Variants in AFF2 observed in about 807,000 individuals in gnomAD.
The protein encoded by AFF2 is AF4/FMR2 family member 2.
AFF2 carries 14 observed loss-of-function variants against 76.9 expected under a neutral mutation model. That is an observed-to-expected ratio of 0.18 (90% CI 0.12 to 0.28). The LOEUF (loss-of-function observed/expected upper bound fraction) is 0.28, where lower values mean the gene tolerates loss of function less well. AFF2 is among the 10% of genes least tolerant of loss of function. AFF2 has a pLI of 1.00. For synonymous variants in AFF2, 398 were observed against 366.7 expected (o/e 1.09, Z -0.98); for missense variants, 868 against 1,001.1 (o/e 0.87, Z 1.79).
chrX:148,732,427 G>C (rs1475237967), intron 3 of AFF2, among the ~76,000 whole-genome samples: 1 of 69,664 alleles, frequency 1.4e-5, no homozygotes, highest in Non-Finnish European at 2.7e-5. Flanking sequence ...GACTGTGGTG[G>C]GGTGGGGGGA....
At chrX:148,733,547 CA>C (rs1450351961) in intron 3 of AFF2, among the ~76,000 whole-genome samples, 1 of 111,092 alleles carries the variant, frequency 9.0e-6, no homozygotes, top group African/African-American at 3.3e-5. Context: ...ACAAAGGAGA[CA>C]ATAAAGTAAT....
intron 9 of AFF2, among the ~76,000 whole-genome samples, chrX:148,905,914 G>A (rs73612082): frequency 0.013 from 1,420 of 112,449 alleles, 20 homozygotes; most frequent in African/African-American, 0.044. Context: ...CTAATGTCTA[G>A]CGTTTTGAGG....
intron 1 of AFF2, among the ~76,000 whole-genome samples, chrX:148,594,462 C>T (rs2053552219): frequency 9.0e-6 from 1 of 111,527 alleles, no homozygotes; most frequent in Admixed American, 9.5e-5. Context: ...GGATTGATCA[C>T]ATGCCTCTAA....
rs181773571 is a variant in AFF2, at chrX:148,672,380, T to G, written c.1041+9612T>G. Among the ~76,000 whole-genome samples, 626 of 112,331 alleles carry G rather than the reference T, an allele frequency of 5.6e-3. 4 individuals are homozygous for G. Among genetic ancestry groups the G allele is most frequent in the Non-Finnish European group, 8.5e-3 (455 of 53,279 alleles). On this transcript the variant is annotated intron_variant, in intron 3 of 20. Coordinates refer to ENST00000370460, the MANE Select transcript of AFF2 (RefSeq NM_002025.4). Reference sequence around the variant, plus strand: ...CTGGAATTATCATAATTTTCTTTTCTGCAGAAACTTAGTCTCGGAGAGGCT... The same window carrying G: ...CTGGAATTATCATAATTTTCTTTTCGGCAGAAACTTAGTCTCGGAGAGGCT...
chrX:148,840,614 A>G (rs2070587670), intron 5 of AFF2, among the ~76,000 whole-genome samples: 1 of 112,937 alleles, frequency 8.9e-6, no homozygotes. Context: ...TTCTACTGCA[A>G]AAATTACATA....
chrX:148,759,899 A>G (rs781874006), intron 3 of AFF2, among the ~76,000 whole-genome samples: 26 of 111,924 alleles, frequency 2.3e-4, no homozygotes, highest in Non-Finnish European at 3.0e-4. Context: ...ATAAGAAATT[A>G]TTGTCCCACC....
At chrX:148,509,353 C>G in intron 1 of AFF2, among the ~76,000 whole-genome samples, 1 of 111,311 alleles carries the variant, frequency 9.0e-6, no homozygotes, top group East Asian at 2.8e-4. Flanking sequence ...ATTGAATACT[C>G]AACATAAGAC....
intron 3 of AFF2, among the ~76,000 whole-genome samples, chrX:148,686,573 C>G (rs1293823494): frequency 1.8e-5 from 2 of 111,704 alleles, no homozygotes; most frequent in African/African-American, 6.5e-5. Context: ...TGACAAGTGA[C>G]TTCGCCTCTT....
At chrX:148,707,968 C>G (rs782465186) in intron 3 of AFF2, among the ~76,000 whole-genome samples, 8 of 111,774 alleles carry the variant, frequency 7.2e-5, no homozygotes, top group Non-Finnish European at 1.3e-4. Flanking sequence ...TGATTCATCA[C>G]AAATATAAAA....
intron 9 of AFF2, among the ~76,000 whole-genome samples, chrX:148,910,355 A>G (rs1172988777): frequency 8.9e-6 from 1 of 112,451 alleles, no homozygotes; most frequent in Non-Finnish European, 1.9e-5. Flanking sequence ...ACATTCTGGG[A>G]ACTGTGATAG....
At chrX:148,656,946 T>C (rs1358694493) in intron 2 of AFF2, among the ~76,000 whole-genome samples, 1 of 112,298 alleles carries the variant, frequency 8.9e-6, no homozygotes, top group African/African-American at 3.2e-5. Context: ...TCAGAATACT[T>C]GATAAGCTTA....
chrX:148,818,134 AT>A (rs2070288412), intron 4 of AFF2, among the ~76,000 whole-genome samples: 1 of 111,750 alleles, frequency 8.9e-6, no homozygotes, highest in Non-Finnish European at 1.9e-5. Flanking sequence ...AATAAGAGGC[AT>A]TAAAGTGAGA....
At chrX:148,723,442 T>C (rs1013995138) in intron 3 of AFF2, among the ~76,000 whole-genome samples, 2 of 111,647 alleles carry the variant, frequency 1.8e-5, no homozygotes, top group East Asian at 5.6e-4. Flanking sequence ...TTCTCCATTT[T>C]AAGTCACCAT....
intron 3 of AFF2, among the ~76,000 whole-genome samples, chrX:148,701,265 C>G (rs1471799389): frequency 3.6e-5 from 4 of 111,620 alleles, no homozygotes; most frequent in Non-Finnish European, 7.5e-5. Flanking sequence ...TGAGCACAAG[C>G]TTATGTGTGG....
At chrX:148,518,022 CAA>C (rs543248775) in intron 1 of AFF2, among the ~76,000 whole-genome samples, 11 of 38,570 alleles carry the variant, frequency 2.9e-4, no homozygotes, top group African/African-American at 9.7e-5. Context: ...GACTCCGTCT[CAA>C]AAAAAAAAAA....
chrX:148,709,721 C>G (rs2054939465), intron 3 of AFF2, among the ~76,000 whole-genome samples: 1 of 111,841 alleles, frequency 8.9e-6, no homozygotes, highest in Non-Finnish European at 1.9e-5. Flanking sequence ...GAAAGGGTAG[C>G]ATACTAGTGG....
intron 7 of AFF2, among the ~76,000 whole-genome samples, chrX:148,884,651 T>C (rs2071136340): frequency 8.9e-6 from 1 of 112,275 alleles, no homozygotes; most frequent in Non-Finnish European, 1.9e-5. Context: ...GACTCTATCA[T>C]TTGTGGGAAG....
At chrX:148,540,520 T>A (rs1603236134) in intron 1 of AFF2, among the ~76,000 whole-genome samples, 2 of 109,922 alleles carry the variant, frequency 1.8e-5, no homozygotes, top group South Asian at 7.9e-4. Context: ...AGATGCTAAA[T>A]TTACACTTCC....
intron 1 of AFF2, among the ~76,000 whole-genome samples, chrX:148,623,949 G>A (rs1439652272): frequency 5.4e-5 from 6 of 111,358 alleles, no homozygotes; most frequent in Non-Finnish European, 9.4e-5. Context: ...TCTGTGATAA[G>A]CTGGCAGTTT....
Sources: gnomAD v4.1 joint callset for allele counts (sites outside exome capture counted in the v4.1 genomes callset) on GRCh38, gnomAD v4.1.1 for gene constraint, MANE v1.5 for transcripts, NCBI Gene and HGNC (gene_info 2026-07-23, HGNC 2026-07-21) for gene names.